The following STX8 variants were observed in gnomAD, a reference collection of about 807,000 sequenced individuals.
STX8 encodes syntaxin-8.
STX8 carries 23 observed loss-of-function variants against 37.5 expected under a neutral mutation model. That is an observed-to-expected ratio of 0.61 (90% CI 0.44 to 0.87). The LOEUF (loss-of-function observed/expected upper bound fraction) is 0.87, where lower values mean the gene tolerates loss of function less well. Ranked by LOEUF, STX8 falls within the 40% of genes least tolerant of loss-of-function variation. The pLI is 0.00. For missense variants in STX8, 313 were observed against 284.7 expected (o/e 1.10, Z -0.71); for synonymous variants, 115 against 99.1 (o/e 1.16, Z -0.95).
intron 6 of STX8, among the ~76,000 whole-genome samples, chr17:9,455,014 G>A (rs1469541782): frequency 6.6e-6 from 1 of 151,952 alleles, no homozygotes; most frequent in Non-Finnish European, 1.5e-5. Flanking sequence ...TCAGGAGTTT[G>A]AGACCAGCCT....
At chr17:9,433,374 T>C (rs1439582225) in intron 6 of STX8, among the ~76,000 whole-genome samples, 1 of 152,244 alleles carries the variant, frequency 6.6e-6, no homozygotes, top group Non-Finnish European at 1.5e-5. Flanking sequence ...ATTGCACAGA[T>C]GCTCAATTAG....
chr17:9,564,167 T>C (rs1907363632), intron 2 of STX8, among the ~76,000 whole-genome samples: 1 of 152,108 alleles, frequency 6.6e-6, no homozygotes, highest in Non-Finnish European at 1.5e-5. Flanking sequence ...AGCATTCCAC[T>C]TGAAAACTGG....
At chr17:9,382,443 T>TA (rs1911856502) in intron 6 of STX8, among the ~76,000 whole-genome samples, 1 of 152,250 alleles carries the variant, frequency 6.6e-6, no homozygotes, top group Non-Finnish European at 1.5e-5. Flanking sequence ...TTTTCTTTTT[T>TA]AAATTATACT....
intron 4 of STX8, among the ~76,000 whole-genome samples, chr17:9,505,771 T>C (rs1356117296): frequency 2.0e-5 from 3 of 151,762 alleles, no homozygotes; most frequent in African/African-American, 7.3e-5. Context: ...TGAAACCCTG[T>C]CTCTAATAAA....
chr17:9,378,703 A>G (rs759204556), intron 6 of STX8, 50 bp from the exon 7 acceptor site: 1 of 1,306,114 alleles, frequency 7.7e-7, no homozygotes, highest in Non-Finnish European at 1.1e-6. Flanking sequence ...CCCGGTTCAC[A>G]TCACAGTATC....
intron 7 of STX8, among the ~76,000 whole-genome samples, chr17:9,255,515 A>G (rs1054754321): frequency 3.3e-5 from 5 of 151,528 alleles, no homozygotes; most frequent in African/African-American, 1.2e-4. Context: ...CAACAGAGCA[A>G]GACTCCATCT....
chr17:9,338,592 C>T (rs1398783145), intron 7 of STX8, among the ~76,000 whole-genome samples: 1 of 152,174 alleles, frequency 6.6e-6, no homozygotes, highest in East Asian at 1.9e-4. Context: ...TTGTCATGGC[C>T]ACTCCATTTC....
At chr17:9,552,778 G>C (rs1055749982) in intron 3 of STX8, 2 of 150,550 alleles carry the variant, frequency 1.3e-5, no homozygotes, top group Non-Finnish European at 3.0e-5. Flanking sequence ...TCAGCCTCCC[G>C]AGTAGCTGGG....
chr17:9,322,511 G>C (rs898711952), intron 7 of STX8, among the ~76,000 whole-genome samples: 2 of 152,150 alleles, frequency 1.3e-5, no homozygotes, highest in South Asian at 2.1e-4. Context: ...CACAGCCCAG[G>C]GGGTGGGACC....
chr17:9,373,536 G>T (rs1187027916), intron 7 of STX8, among the ~76,000 whole-genome samples: 1 of 152,142 alleles, frequency 6.6e-6, no homozygotes, highest in Non-Finnish European at 1.5e-5. Flanking sequence ...CTTACAATAG[G>T]TACCTAGAAT....
At chr17:9,545,548 C>T (rs1906470567) in intron 3 of STX8, among the ~76,000 whole-genome samples, 1 of 152,052 alleles carries the variant, frequency 6.6e-6, no homozygotes, top group Non-Finnish European at 1.5e-5. Context: ...GAGAAATATA[C>T]CAGGTAAATA....
chr17:9,558,684 G>A (rs774159555), intron 2 of STX8, among the ~76,000 whole-genome samples: 8 of 152,168 alleles, frequency 5.3e-5, no homozygotes, highest in Admixed American at 1.3e-4. Context: ...TTAGCTGGGC[G>A]CGGTGGCGGG....
intron 1 of STX8, among the ~76,000 whole-genome samples, chr17:9,570,740 T>C (rs886722512): frequency 2.0e-5 from 3 of 152,122 alleles, no homozygotes; most frequent in Non-Finnish European, 4.4e-5. Flanking sequence ...ATAAAAATCA[T>C]CCACATATGG....
chr17:9,392,175 C>T (rs1258372069), intron 6 of STX8, among the ~76,000 whole-genome samples: 1 of 152,172 alleles, frequency 6.6e-6, no homozygotes, highest in Non-Finnish European at 1.5e-5. Flanking sequence ...GCCAGAGTCT[C>T]ATAAAATAAT....
chr17:9,305,683 A>G (rs1908956863), intron 7 of STX8: 1 of 150,020 alleles, frequency 6.7e-6, no homozygotes, highest in Non-Finnish European at 1.5e-5. Flanking sequence ...AGCATATATC[A>G]TGGTGGTCTC....
chr17:9,510,835 T>G (rs1904999445), intron 4 of STX8, among the ~76,000 whole-genome samples: 1 of 151,926 alleles, frequency 6.6e-6, no homozygotes, highest in South Asian at 2.1e-4. Context: ...AAGTTGGTTT[T>G]GTGTAAAGAT....
At chr17:9,496,654 A>G (rs1779057241) in intron 5 of STX8, among the ~76,000 whole-genome samples, 1 of 152,210 alleles carries the variant, frequency 6.6e-6, no homozygotes, top group African/African-American at 2.4e-5. Context: ...GACTTTGCAG[A>G]TGTGATTAAG....
intron 5 of STX8, among the ~76,000 whole-genome samples, chr17:9,494,165 G>A (rs1419323780): frequency 2.0e-5 from 3 of 151,554 alleles, no homozygotes; most frequent in African/African-American, 4.8e-5. Context: ...ACAGGCGCCC[G>A]CCACCACGCC....
At chr17:9,487,922 C>A (rs1384725412) in intron 6 of STX8, among the ~76,000 whole-genome samples, 1 of 152,198 alleles carries the variant, frequency 6.6e-6, no homozygotes, top group Non-Finnish European at 1.5e-5. Flanking sequence ...GCATATTCAA[C>A]AAGGGCACTG....
Sources: allele counts gnomAD v4.1 joint callset (sites outside exome capture counted in the v4.1 genomes callset), GRCh38; gene constraint gnomAD v4.1.1; transcripts MANE v1.5; gene names NCBI Gene and HGNC (gene_info 2026-07-23, HGNC 2026-07-21).